CFAP57: variants seen among roughly 807,000 people sequenced by gnomAD.
CFAP57 encodes cilia and flagella associated protein 57, also known as cilia- and flagella-associated protein 57.
A neutral mutation model predicts 146.8 loss-of-function variants in CFAP57; 116 were observed. The ratio of observed to expected loss-of-function variants is 0.79; its 90% CI spans 0.68 to 0.92. The LOEUF (loss-of-function observed/expected upper bound fraction) is 0.92. Among genes scored for constraint, CFAP57 ranks in the 40% least tolerant of loss-of-function variants. The pLI, the probability that CFAP57 is intolerant of heterozygous loss-of-function variation, is 0.00. For synonymous variants in CFAP57, 518 were observed against 552.8 expected, an observed-to-expected ratio of 0.94 and a Z score of 0.88; for missense variants, 1,377 against 1,527.2, an observed-to-expected ratio of 0.90 and a Z score of 1.64.
rs1644514127 is a variant in CFAP57, at chr1:43,209,742, G to C, written c.1756-1G>C. The C allele has an allele frequency of 6.2e-7, 1 of 1,613,736 alleles. No homozygotes were observed. The highest frequency in any genetic ancestry group is 2.2e-5 in the East Asian group (1 of 44,864). On this transcript the variant is annotated splice_acceptor_variant, in intron 10 of 22. Coordinates refer to ENST00000372492, the MANE Select transcript of CFAP57 (RefSeq NM_001378189.1). LOFTEE classifies it high-confidence loss of function. ...ACTGAGCAGAGCTGCCTGTGTCTCA[G>C]ATCCTTCGAGAGATATCGGCGTTTG...
chr1:43,198,857 A>C (rs776776401), intron 8 of CFAP57, among the ~76,000 whole-genome samples: 9 of 152,210 alleles, frequency 5.9e-5, no homozygotes, highest in Admixed American at 1.3e-4. Context: ...TGTCCACCAG[A>C]CTATTTCATT....
In CFAP57 at chr1:43,181,584, C is replaced by T. The variant is rs749165112; in HGVS notation, c.208C>T (p.Arg70Trp). 7.4e-6 allele frequency: 12 copies of T among 1,614,078 alleles called. No individual in the cohort carries two copies. Among genetic ancestry groups the T allele is most frequent in the Admixed American group, 3.3e-5 (2 of 60,004 alleles). The change falls in exon 3 of 23, where the codon CGG becomes TGG. Residue 70 changes from arginine to tryptophan, a missense_variant. Arg to Trp is a moderately radical substitution (Grantham distance 101). Transcript: ENST00000372492. ...MLALSISPNRRYLAISETVQE... is the reference protein window; with the variant it reads ...MLALSISPNRWYLAISETVQE... ...GGCCTTGTCCATCAGTCCCAATCGG[C>T]GGTACCTCGCTATCTCTGAGACTGT...
At chr1:43,180,016 G>A (rs1317322196) in intron 2 of CFAP57, among the ~76,000 whole-genome samples, 1 of 151,750 alleles carries the variant, frequency 6.6e-6, no homozygotes, top group East Asian at 1.9e-4. Flanking sequence ...AGACCAGCCT[G>A]ACCAACATGG....
chr1:43,213,975 C>A (rs748030901), intron 11 of CFAP57, among the ~76,000 whole-genome samples: 3 of 151,916 alleles, frequency 2.0e-5, no homozygotes, highest in Non-Finnish European at 4.4e-5. Flanking sequence ...CAACCTCCCC[C>A]TCCTGGGTTC....
chr1:43,181,687 A>G lies in CFAP57; in HGVS notation c.311A>G (p.Asp104Gly), dbSNP rs1447062161. 2 of 1,614,046 alleles carry G rather than the reference A, an allele frequency of 1.2e-6. 1 individual carries two copies. The highest frequency in any genetic ancestry group is 2.7e-5 in the African/African-American group (2 of 74,918). Residue 104 changes from aspartate to glycine, a missense_variant, in exon 3 of 23, where the codon GAC becomes GGC. Asp to Gly is a moderately conservative substitution (Grantham distance 94, BLOSUM62 -1). Transcript: ENST00000372492. ...AAGCGCAAAGTTCTTAATAATTTTGACTTCCAAGTTCAGAAATTTATTAGC... is the reference window on the plus strand; with the variant it reads ...AAGCGCAAAGTTCTTAATAATTTTGGCTTCCAAGTTCAGAAATTTATTAGC... ...CRKRKVLNNF[D>G]FQVQKFISMA...
chr1:43,204,703 A>G (rs1282036312), intron 9 of CFAP57, among the ~76,000 whole-genome samples: 1 of 152,178 alleles, frequency 6.6e-6, no homozygotes, highest in Non-Finnish European at 1.5e-5. Flanking sequence ...CCCTTAGACA[A>G]TTAGGTTTTT....
intron 2 of CFAP57, among the ~76,000 whole-genome samples, chr1:43,179,128 C>T (rs1645285717): frequency 6.6e-6 from 1 of 152,004 alleles, no homozygotes; most frequent in African/African-American, 2.4e-5. Context: ...CACACCGGGG[C>T]CTGTTGTGGG....
intron 3 of CFAP57, 76 bp from the exon 4 acceptor site, chr1:43,183,515 A>G (rs1569858228): frequency 3.0e-6 from 4 of 1,346,118 alleles, no homozygotes; most frequent in Admixed American, 1.8e-5. Context: ...AATAAATATT[A>G]ATTTGTAAAA....
In CFAP57 at chr1:43,172,464, G is replaced by A. The variant is rs1645000298; in HGVS notation, c.-20+11G>A. ...AGAGAGAAACGAAAGGTGGGAGGGGGTACCTGGGGGTCGCCAGAAGGAGCT... is the reference window on the plus strand; with the variant it reads ...AGAGAGAAACGAAAGGTGGGAGGGGATACCTGGGGGTCGCCAGAAGGAGCT... On this transcript the variant is annotated intron_variant, in intron 1 of 22. Coordinates refer to ENST00000372492, the MANE Select transcript of CFAP57 (RefSeq NM_001378189.1). The A allele has an allele frequency of 1.3e-6, 2 of 1,542,702 alleles. No homozygotes were observed. Among genetic ancestry groups the A allele is most frequent in the East Asian group, 2.5e-5 (1 of 40,698 alleles).
In CFAP57 at chr1:43,198,647, G is replaced by GT. The variant is rs769410922; in HGVS notation, c.1428+2dup. On this transcript the variant is annotated splice_donor_variant, in intron 8 of 22. Coordinates refer to ENST00000372492, the MANE Select transcript of CFAP57 (RefSeq NM_001378189.1). LOFTEE classifies it high-confidence loss of function. ...ATACTCTGTTAGAGGATGCGGAGAG[G>GT]TAAAAAAAAAACTGCTGAAGACAAA... 3 of 1,601,150 alleles carry GT rather than the reference G, an allele frequency of 1.9e-6. No homozygotes were observed. The highest frequency in any genetic ancestry group is 2.6e-6 in the Non-Finnish European group (3 of 1,173,948).
At chr1:43,217,032 G>A (rs1461417924) in intron 12 of CFAP57, among the ~76,000 whole-genome samples, 2 of 152,246 alleles carry the variant, frequency 1.3e-5, no homozygotes, top group Non-Finnish European at 2.9e-5. Context: ...AGGCCAGGTG[G>A]TGCCAGAGGA....
intron 6 of CFAP57, among the ~76,000 whole-genome samples, chr1:43,188,705 A>G (rs892533105): frequency 2.6e-5 from 4 of 151,922 alleles, no homozygotes; most frequent in Non-Finnish European, 5.9e-5. Flanking sequence ...ACTATGTCCC[A>G]TTCTGTGGGT....
Position 43,219,281 on chromosome 1 carries a change from A to AG in CFAP57, c.2092-100dup. The AG allele has an allele frequency of 4.0e-6, 5 of 1,260,738 alleles. No individual in the cohort carries two copies. The South Asian group carries it at 4.8e-5, about 12-fold the overall frequency. The allele number at this position is 1,260,738 out of a possible 1,614,324, so 78.1% of individuals were successfully genotyped here. A position where few individuals can be genotyped will look rare whatever the true frequency, so the allele number is the denominator to read the frequency against. ...TCTAGTTGAGACACATTGAGTTTGA[A>AG]GCTAGGCAGAGCTGCAGGTCTCAGG... is the stretch of plus-strand genomic sequence containing the variant. On this transcript the variant is annotated intron_variant, in intron 12 of 22. Coordinates refer to ENST00000372492, the MANE Select transcript of CFAP57 (RefSeq NM_001378189.1).
rs543990615 is a variant in CFAP57, at chr1:43,229,839, C to G, written c.3010-2669C>G. ...TACCTGCTAGATCCCAAAAACACCC[C>G]CTATCCAGGATGTTAAAACTAAAAA... On this transcript the variant is annotated intron_variant, in intron 18 of 22. Coordinates refer to ENST00000372492, the MANE Select transcript of CFAP57 (RefSeq NM_001378189.1). 3.8e-4 allele frequency among the ~76,000 whole-genome samples: 57 copies of G among 151,988 alleles called. 6 individuals carry two copies. The highest frequency in any genetic ancestry group is 1.3e-3 in the African/African-American group (52 of 41,410).
chr1:43,211,816 A>C (rs75889134), intron 11 of CFAP57, among the ~76,000 whole-genome samples: 1 of 151,516 alleles, frequency 6.6e-6, no homozygotes, highest in Admixed American at 6.6e-5. Context: ...GTAACTTACT[A>C]TTCTCTTGCA....
chr1:43,184,771 T>G (rs142136689), intron 4 of CFAP57: 2 of 123,898 alleles, frequency 1.6e-5, no homozygotes, highest in African/African-American at 7.2e-5. Context: ...TTTTTTTTTG[T>G]GAGTATGTAG....
chr1:43,190,662 G>C (rs1288586290), intron 6 of CFAP57, among the ~76,000 whole-genome samples: 1 of 151,624 alleles, frequency 6.6e-6, no homozygotes, highest in African/African-American at 2.4e-5. Flanking sequence ...TCTATTCCTA[G>C]TTTGTTGAAT....
At chr1:43,221,772 C>G (rs1645054108) in intron 14 of CFAP57, among the ~76,000 whole-genome samples, 1 of 152,176 alleles carries the variant, frequency 6.6e-6, no homozygotes, top group Non-Finnish European at 1.5e-5. Flanking sequence ...AGTCACCTAA[C>G]CTTACCGAGC....
In CFAP57 at chr1:43,221,374, C is replaced by T. The variant is rs1416480366; in HGVS notation, c.2250C>T (p.Val750=). 2 of 1,541,304 alleles carry T rather than the reference C, an allele frequency of 1.3e-6. No individual in the cohort carries two copies. Among genetic ancestry groups the T allele is most frequent in the East Asian group, 2.5e-5 (1 of 40,520 alleles). The change falls in exon 14 of 23, where the codon GTC becomes GTT. Residue 750 remains valine, a splice_region_variant and synonymous_variant. Transcript: ENST00000372492. ...GAGGAAATGTGACTCTGTTTTAGGTCTTAAGAACAGAAAAAGAGAAGCAGG... is the reference window on the plus strand; with the variant it reads ...GAGGAAATGTGACTCTGTTTTAGGTTTTAAGAACAGAAAAAGAGAAGCAGG... ...EMESLKTKNQ[V]LRTEKEKQDV... is the part of the protein sequence containing the mutation.
Sources: allele counts gnomAD v4.1 joint callset (sites outside exome capture counted in the v4.1 genomes callset), GRCh38; gene constraint gnomAD v4.1.1; transcripts MANE v1.5; gene names NCBI Gene and HGNC (gene_info 2026-07-23, HGNC 2026-07-21).